The following CSNK1G1 variants were observed in gnomAD, a reference collection of about 807,000 sequenced individuals.
CSNK1G1 encodes casein kinase 1 gamma 1.
Under a neutral mutation model 59.6 loss-of-function variants are expected in CSNK1G1, and 22 were observed. The ratio of observed to expected loss-of-function variants is 0.37; its 90% CI spans 0.26 to 0.53. CSNK1G1 has a LOEUF of 0.53. Ranked by LOEUF, CSNK1G1 falls within the 20% of genes least tolerant of loss-of-function variation. CSNK1G1 has a pLI of 0.89. For missense variants in CSNK1G1, 384 were observed against 519.5 expected, an observed-to-expected ratio of 0.74 and a Z score of 2.54; for synonymous variants, 179 against 177.1, an observed-to-expected ratio of 1.01 and a Z score of -0.08.
rs533868270 is a variant in CSNK1G1, at chr15:64,229,902, ATTTTTTTTTTTTTTTTTTTT to A, written c.293-13209_293-13190del. Among the ~76,000 whole-genome samples the A allele has an allele frequency of 7.1e-4, 31 of 43,808 alleles. 1 individual carries two copies. Among genetic ancestry groups the A allele is most frequent in the African/African-American group, 2.3e-3 (27 of 11,840 alleles). The allele number at this position is 43,808 out of a possible 152,430, so 28.7% of individuals were successfully genotyped here. On this transcript the variant is annotated intron_variant, in intron 4 of 11. Transcript: ENST00000303052. ...CCTATATTTTTGGGCATGTTTGTAA[ATTTTTTTTTTTTTTTTTTTT>A]TTTTTTTTTTTTTTTTTAAGACAGA...
At chr15:64,278,329 G>T (rs553177489) in intron 2 of CSNK1G1, among the ~76,000 whole-genome samples, 2 of 151,720 alleles carry the variant, frequency 1.3e-5, no homozygotes, top group East Asian at 3.9e-4. Context: ...TTGTAGGCGT[G>T]AGTCACCACA....
intron 4 of CSNK1G1, among the ~76,000 whole-genome samples, chr15:64,218,284 G>C (rs1267583942): frequency 6.6e-6 from 1 of 152,030 alleles, no homozygotes; most frequent in Non-Finnish European, 1.5e-5. Flanking sequence ...GTGGGATATA[G>C]ACAGATGTAC....
At chr15:64,179,564 A>G (rs767905734) in intron 11 of CSNK1G1, among the ~76,000 whole-genome samples, 3 of 152,196 alleles carry the variant, frequency 2.0e-5, no homozygotes, top group African/African-American at 7.2e-5. Flanking sequence ...TGGTGTCTCT[A>G]TCTCTCCCTA....
chr15:64,350,294 C>A (rs1462913073), intron 1 of CSNK1G1, among the ~76,000 whole-genome samples: 1 of 151,936 alleles, frequency 6.6e-6, no homozygotes, highest in East Asian at 1.9e-4. Context: ...GAGATCGAGA[C>A]CATCCTGGCT....
chr15:64,293,565 T>C (rs1277907807), intron 2 of CSNK1G1, among the ~76,000 whole-genome samples: 2 of 152,210 alleles, frequency 1.3e-5, no homozygotes, highest in Non-Finnish European at 2.9e-5. Flanking sequence ...GTACATATCC[T>C]TTGACACAAA....
intron 11 of CSNK1G1, among the ~76,000 whole-genome samples, chr15:64,174,337 C>G (rs2081715312): frequency 6.6e-6 from 1 of 152,170 alleles, no homozygotes; most frequent in Non-Finnish European, 1.5e-5. Context: ...ATTTAGAGCC[C>G]TGGATTTATC....
At chr15:64,173,875 A>G (rs999003927) in intron 11 of CSNK1G1, among the ~76,000 whole-genome samples, 2 of 151,862 alleles carry the variant, frequency 1.3e-5, no homozygotes, top group South Asian at 4.1e-4. Context: ...CGGCCTCCCA[A>G]AGTGCTGGGA....
intron 2 of CSNK1G1, among the ~76,000 whole-genome samples, chr15:64,274,525 T>C (rs969611711): frequency 6.6e-6 from 1 of 152,212 alleles, no homozygotes; most frequent in Non-Finnish European, 1.5e-5. Context: ...GCTTTTAGTA[T>C]CTGTTGCACA....
chr15:64,240,386 A>G (rs1436806452), intron 4 of CSNK1G1, among the ~76,000 whole-genome samples: 1 of 152,210 alleles, frequency 6.6e-6, no homozygotes, highest in African/African-American at 2.4e-5. Flanking sequence ...TAATGAAATA[A>G]CAACTGAAAA....
intron 11 of CSNK1G1, chr15:64,180,131 T>C (rs975642775): frequency 2.4e-5 from 13 of 536,706 alleles, no homozygotes; most frequent in African/African-American, 5.7e-5. Flanking sequence ...GTCTTTTTCA[T>C]GTGAACTAGA....
intron 1 of CSNK1G1, among the ~76,000 whole-genome samples, chr15:64,326,580 G>T (rs934510008): frequency 6.6e-6 from 1 of 151,940 alleles, no homozygotes; most frequent in Admixed American, 6.5e-5. Flanking sequence ...GGATGTGGAG[G>T]TTGCAGGGAG....
chr15:64,279,971 CAAA>C (rs1226598947), intron 2 of CSNK1G1, among the ~76,000 whole-genome samples: 1 of 91,822 alleles, frequency 1.1e-5, no homozygotes, highest in African/African-American at 4.1e-5. Context: ...GACTCCATCT[CAAA>C]AAAAAAAAAA....
At chr15:64,178,482 CT>C (rs1175775132) in intron 11 of CSNK1G1, among the ~76,000 whole-genome samples, 164 of 123,756 alleles carry the variant, frequency 1.3e-3, no homozygotes, top group South Asian at 6.8e-3. Context: ...CAAAAATTTT[CT>C]TTTTTTTTTT....
In CSNK1G1 at chr15:64,166,009, A is replaced by T; in HGVS notation, c.*5922T>A. On this transcript the variant is annotated 3_prime_UTR_variant, in exon 12 of 12. Coordinates refer to ENST00000303052, the MANE Select transcript of CSNK1G1 (RefSeq NM_022048.5). This position sits in a 1 kb window ranked among gnomAD's most constrained non-coding sequence, Gnocchi z 4.5. Reference sequence around the variant, plus strand: ...ACACTTGAAATTGACATTCATGTTTAAAAATACTACAAATTTCATTTTCAC... The same window carrying T: ...ACACTTGAAATTGACATTCATGTTTTAAAATACTACAAATTTCATTTTCAC... The T allele has an allele frequency of 2.9e-6, 2 of 684,646 alleles. No individual in the cohort carries two copies. The highest frequency in any genetic ancestry group is 5.3e-6 in the Non-Finnish European group (2 of 377,864). 42.4% of individuals were successfully genotyped at this position (684,646 alleles called of 1,614,324 possible).
At chr15:64,229,520 C>T (rs1390299131) in intron 4 of CSNK1G1, among the ~76,000 whole-genome samples, 1 of 144,764 alleles carries the variant, frequency 6.9e-6, no homozygotes, top group Non-Finnish European at 1.5e-5. Context: ...CTCTCTTTCT[C>T]TCTCTCTTTC....
intron 1 of CSNK1G1, among the ~76,000 whole-genome samples, chr15:64,327,449 C>T (rs1178346571): frequency 6.7e-6 from 1 of 150,042 alleles, no homozygotes; most frequent in Non-Finnish European, 1.5e-5. Flanking sequence ...TCCAACAGAC[C>T]TGCAGCTGAG....
intron 1 of CSNK1G1, among the ~76,000 whole-genome samples, chr15:64,327,620 T>C (rs1441719408): frequency 6.6e-6 from 1 of 150,686 alleles, no homozygotes; most frequent in Non-Finnish European, 1.5e-5. Flanking sequence ...AGAGCGCCTC[T>C]CCTCCTCCAA....
At chr15:64,322,455 G>T (rs937629021) in intron 1 of CSNK1G1, among the ~76,000 whole-genome samples, 1 of 151,084 alleles carries the variant, frequency 6.6e-6, no homozygotes, top group South Asian at 2.1e-4. Context: ...CTCCCGCCTT[G>T]ACTTCCCAAA....
intron 2 of CSNK1G1, among the ~76,000 whole-genome samples, chr15:64,264,043 A>G (rs994214752): frequency 2.0e-5 from 3 of 152,174 alleles, no homozygotes; most frequent in African/African-American, 7.2e-5. Flanking sequence ...AAGAGATGCT[A>G]AAGTGAACAA....
Sources: allele counts gnomAD v4.1 joint callset (sites outside exome capture counted in the v4.1 genomes callset), GRCh38; gene constraint gnomAD v4.1.1; non-coding constraint Gnocchi (gnomAD v3.1); transcripts MANE v1.5; gene names NCBI Gene and HGNC (gene_info 2026-07-23, HGNC 2026-07-21).